The following FGGY variants were observed in gnomAD, a reference collection of about 807,000 sequenced individuals.
FGGY encodes FGGY carbohydrate kinase domain containing.
Under a neutral mutation model 71.3 loss-of-function variants are expected in FGGY, and 72 were observed. That is an observed-to-expected ratio of 1.01 (90% confidence interval 0.84 to 1.23). The LOEUF is 1.23. Among genes scored for constraint, FGGY ranks in the 50% most tolerant of loss-of-function variants. The probability of loss-of-function intolerance (pLI) is 0.00; values close to 1 mark genes in which losing one functional copy is unlikely to be tolerated. For synonymous variants in FGGY, 251 were observed against 250.3 expected, an observed-to-expected ratio of 1.00 and a Z score of -0.02; for missense variants, 668 against 682.3, an observed-to-expected ratio of 0.98 and a Z score of 0.23.
intron 14 of FGGY, among the ~76,000 whole-genome samples, chr1:59,745,351 A>T (rs2098186919): frequency 6.6e-6 from 1 of 152,194 alleles, no homozygotes; most frequent in African/African-American, 2.4e-5. Flanking sequence ...AGCTTCGATT[A>T]TTCACCTGCC....
At chr1:59,597,088 C>G (rs1287179388) in intron 8 of FGGY, among the ~76,000 whole-genome samples, 3 of 152,112 alleles carry the variant, frequency 2.0e-5, no homozygotes, top group Admixed American at 2.0e-4. Flanking sequence ...TTTGCCTATT[C>G]AGTTTAGTCT....
intron 8 of FGGY, among the ~76,000 whole-genome samples, chr1:59,564,063 AT>A (rs529445607): frequency 1.3e-3 from 193 of 152,338 alleles, no homozygotes; most frequent in African/African-American, 4.4e-3. Flanking sequence ...AGATTTAAAC[AT>A]AAGACCTGAA....
chr1:59,638,233 A>G lies in FGGY; in HGVS notation c.1079A>G (p.Gln360Arg), dbSNP rs374554989. Residue 360 changes from glutamine (Q) to arginine (R), a missense_variant, in exon 11 of 16, where the codon CAG (glutamine) becomes CGG (arginine). Physicochemically the swap from Gln to Arg is conservative, Grantham distance 43. Coordinates refer to ENST00000303721, the MANE Select transcript of FGGY (RefSeq NM_018291.5). ...AAAATTCACTTCTCTTCCAGATGCC[A>G]GAGTATATATGCATATTTGAACAGT... ...ELQVKATARC[Q>R]SIYAYLNSHL... is the part of the protein sequence containing the mutation. 6.2e-7 allele frequency: 1 copy of G among 1,612,994 alleles called. No individual in the cohort carries two copies. Among genetic ancestry groups the G allele is most frequent in the Non-Finnish European group, 8.5e-7 (1 of 1,179,540 alleles).
intron 7 of FGGY, among the ~76,000 whole-genome samples, chr1:59,537,516 C>A (rs907106038): frequency 6.6e-6 from 1 of 152,140 alleles, no homozygotes; most frequent in South Asian, 2.1e-4. Flanking sequence ...TCATATGGAA[C>A]CAAAAAGAGC....
chr1:59,447,489 G>A (rs928905172), intron 5 of FGGY, among the ~76,000 whole-genome samples: 5 of 152,126 alleles, frequency 3.3e-5, no homozygotes, highest in South Asian at 2.1e-4. Flanking sequence ...ACCTTTTATC[G>A]CACCCTATCT....
At chr1:59,606,337 C>T (rs1473572371) in intron 8 of FGGY, among the ~76,000 whole-genome samples, 1 of 152,136 alleles carries the variant, frequency 6.6e-6, no homozygotes, top group Non-Finnish European at 1.5e-5. Flanking sequence ...TACCCTTCCA[C>T]TTGTCAAAAG....
intron 5 of FGGY, among the ~76,000 whole-genome samples, chr1:59,390,233 A>C (rs1257631941): frequency 6.6e-6 from 1 of 152,204 alleles, no homozygotes; most frequent in East Asian, 1.9e-4. Context: ...TTATCTCTTC[A>C]CTAATGATAG....
At chr1:59,332,971 A>T (rs2048792886) in intron 2 of FGGY, among the ~76,000 whole-genome samples, 1 of 152,160 alleles carries the variant, frequency 6.6e-6, no homozygotes, top group Non-Finnish European at 1.5e-5. Flanking sequence ...TTTCAAAGTA[A>T]TTTCAGACTC....
intron 5 of FGGY, among the ~76,000 whole-genome samples, chr1:59,452,304 A>T (rs143490291): frequency 1.6e-3 from 237 of 152,278 alleles, no homozygotes; most frequent in African/African-American, 5.6e-3. Context: ...GATAAAGATA[A>T]AGATAAAATT....
At chr1:59,745,958 T>C (rs376167933) in intron 14 of FGGY, among the ~76,000 whole-genome samples, 49 of 152,186 alleles carry the variant, frequency 3.2e-4, no homozygotes, top group African/African-American at 1.1e-3. Context: ...TATAGCAGTC[T>C]CAAGGGGGGC....
In FGGY at chr1:59,320,889, G is replaced by A. The variant is rs139717747; in HGVS notation, c.-14-647G>A. On this transcript the variant is annotated intron_variant, in intron 1 of 15. Transcript: ENST00000303721. The stretch of plus-strand genomic sequence containing the variant: ...CTCATAGACTTGCTTCTTAATCAGT[G>A]TAGTGTGTATCATTATAATAATGTA... Among the ~76,000 whole-genome samples the A allele has an allele frequency of 3.7e-4, 56 of 152,326 alleles. 1 individual carries two copies. The East Asian group carries it at 0.01, about 27-fold the overall frequency.
chr1:59,358,584 G>A (rs554175800), intron 4 of FGGY, among the ~76,000 whole-genome samples: 1 of 152,236 alleles, frequency 6.6e-6, no homozygotes, highest in South Asian at 2.1e-4. Context: ...ATCACCTAGA[G>A]CCTGCCATGG....
At chr1:59,485,348 TG>T (rs2093625917) in intron 6 of FGGY, among the ~76,000 whole-genome samples, 2 of 152,228 alleles carry the variant, frequency 1.3e-5, no homozygotes, top group Non-Finnish European at 2.9e-5. Flanking sequence ...AGATGTGTCC[TG>T]TGGGATTCCT....
At chr1:59,656,308 G>C (rs931573065) in intron 11 of FGGY, among the ~76,000 whole-genome samples, 4 of 152,180 alleles carry the variant, frequency 2.6e-5, no homozygotes, top group Non-Finnish European at 5.9e-5. Context: ...TAGGGAATCA[G>C]TTCATCTGGC....
At chr1:59,731,684 G>C (rs1031276072) in intron 14 of FGGY, among the ~76,000 whole-genome samples, 1 of 152,182 alleles carries the variant, frequency 6.6e-6, no homozygotes, top group African/African-American at 2.4e-5. Context: ...TAAGTTGTTA[G>C]TGACAGTCTG....
At chr1:59,374,211 AAAAC>A (rs1393581179) in intron 4 of FGGY, among the ~76,000 whole-genome samples, 3 of 152,216 alleles carry the variant, frequency 2.0e-5, no homozygotes, top group African/African-American at 7.2e-5. Context: ...TTACAAGAAA[AAAAC>A]AAGCAACCCC....
Position 59,381,145 on chromosome 1 carries a change from G to A in FGGY, c.554+2308G>A, listed in dbSNP as rs191417346. On this transcript the variant is annotated intron_variant, in intron 5 of 15. Transcript: ENST00000303721. ...CTGAGGGCTCTGTTCTTTTCCATTG[G>A]TCTATATCTCTGTTTTGGTACCAGT... is the stretch of plus-strand genomic sequence containing the variant. 1.6e-4 allele frequency among the ~76,000 whole-genome samples: 25 copies of A among 152,192 alleles called. No individual in the cohort carries two copies. The East Asian group carries it at 3.1e-3, about 19-fold the overall frequency.
At chr1:59,566,696 G>C (rs992986595) in intron 8 of FGGY, among the ~76,000 whole-genome samples, 6 of 152,114 alleles carry the variant, frequency 3.9e-5, no homozygotes, top group Non-Finnish European at 5.9e-5. Flanking sequence ...TATTGCATTA[G>C]AATAAAACCG....
intron 4 of FGGY, among the ~76,000 whole-genome samples, chr1:59,350,669 G>T (rs2053101079): frequency 6.6e-6 from 1 of 152,152 alleles, no homozygotes; most frequent in African/African-American, 2.4e-5. Context: ...GGAGGGGCTG[G>T]CTTAGGTAAC....
Sources: allele counts gnomAD v4.1 joint callset (sites outside exome capture counted in the v4.1 genomes callset), GRCh38; gene constraint gnomAD v4.1.1; transcripts MANE v1.5; gene names NCBI Gene and HGNC (gene_info 2026-07-23, HGNC 2026-07-21).